ZNF354B: variants seen among roughly 807,000 people sequenced by gnomAD.
ZNF354B encodes the protein zinc finger protein 354B.
Under a neutral mutation model 12.9 loss-of-function variants are expected in ZNF354B, and 10 were observed. The ratio of observed to expected loss-of-function variants is 0.77; its 90% CI spans 0.48 to 1.31. The LOEUF (loss-of-function observed/expected upper bound fraction) is 1.31. Ranked by LOEUF, ZNF354B falls within the 40% of genes most tolerant of loss-of-function variation. The pLI is 0.00. For missense variants in ZNF354B, 614 were observed against 711.7 expected (o/e 0.86, Z 1.56); for synonymous variants, 260 against 243.7 (o/e 1.07, Z -0.62).
intron 4 of ZNF354B, 72 bp downstream of exon 4, chr5:178,867,143 A>T: frequency 1.4e-6 from 2 of 1,406,620 alleles, no homozygotes; most frequent in Non-Finnish European, 2.0e-6. Flanking sequence ...AGGTAGGAAC[A>T]TTGGTTGGGA....
At chr5:178,867,856 AT>A (rs1348716284) in intron 4 of ZNF354B, among the ~76,000 whole-genome samples, 1 of 152,206 alleles carries the variant, frequency 6.6e-6, no homozygotes, top group Admixed American at 6.5e-5. Flanking sequence ...TACATGTAAC[AT>A]TTTAATTTTT....
chr5:178,875,347 A>G (rs1261741164), intron 4 of ZNF354B, among the ~76,000 whole-genome samples: 1 of 152,168 alleles, frequency 6.6e-6, no homozygotes, highest in Non-Finnish European at 1.5e-5. Flanking sequence ...ACCACTGTCA[A>G]TCAGTGCAGT....
rs531026200 is a variant in ZNF354B, at chr5:178,883,609, A to G, written c.1157A>G (p.Glu386Gly). The change falls in exon 5 of 5, where the codon GAA becomes GGA. Residue 386 changes from glutamate to glycine, a missense_variant. Physicochemically the swap from Glu to Gly is moderately conservative, Grantham distance 98. Coordinates refer to ENST00000322434, the MANE Select transcript of ZNF354B (RefSeq NM_058230.3). ...GGAGAGAAGCCTTTTAAATGTAGTG[A>G]ATGTGGGAGAGCCTTCAGCCAGAGT... The part of the protein sequence containing the change: ...HTGEKPFKCS[E>G]CGRAFSQSAS... The G allele has an allele frequency of 6.2e-6, 10 of 1,613,698 alleles. No homozygotes were observed. The African/African-American group carries it at 1.1e-4, about 17-fold the overall frequency.
intron 4 of ZNF354B, among the ~76,000 whole-genome samples, chr5:178,875,936 C>T (rs1216686833): frequency 2.6e-5 from 4 of 152,000 alleles, no homozygotes; most frequent in East Asian, 1.9e-4. Flanking sequence ...AGGGGAGGGA[C>T]GGCTGTTCTG....
intron 3 of ZNF354B, among the ~76,000 whole-genome samples, 172 bp downstream of exon 3, chr5:178,866,542 G>A (rs1202229706): frequency 6.6e-6 from 1 of 152,104 alleles, no homozygotes; most frequent in African/African-American, 2.4e-5. Flanking sequence ...AATAAGTATG[G>A]AATTGCTCTA....
chr5:178,875,320 C>A (rs1014419300), intron 4 of ZNF354B, among the ~76,000 whole-genome samples: 7 of 152,252 alleles, frequency 4.6e-5, no homozygotes, highest in Middle Eastern at 3.4e-3. Context: ...TGGGCCTCTA[C>A]CCTAAAGAGA....
At chr5:178,874,445 C>G (rs183263267) in intron 4 of ZNF354B, among the ~76,000 whole-genome samples, 14 of 152,222 alleles carry the variant, frequency 9.2e-5, no homozygotes, top group African/African-American at 2.9e-4. Flanking sequence ...GGTTTTTATT[C>G]TTTTTCTTTA....
chr5:178,883,409 C>T lies in ZNF354B; in HGVS notation c.957C>T (p.Ile319=), dbSNP rs1423324909. The change falls in exon 5 of 5, where the codon ATC becomes ATT. Residue 319 remains isoleucine, a synonymous_variant. Transcript: ENST00000322434. ...CTGGGCTTTTTATACATCAAAAAAT[C>T]CATGCTCAAGAAAATCCCCATAAAT... The part of the protein sequence containing the change: ...RRSGLFIHQK[I]HAQENPHKYN... The T allele has an allele frequency of 1.2e-6, 2 of 1,614,000 alleles. No individual in the cohort carries two copies. The highest frequency in any genetic ancestry group is 1.7e-5 in the Admixed American group (1 of 60,004).
intron 4 of ZNF354B, among the ~76,000 whole-genome samples, chr5:178,871,989 T>C (rs1296915171): frequency 1.3e-5 from 2 of 152,226 alleles, no homozygotes; most frequent in South Asian, 2.1e-4. Context: ...ATGTCCCTTA[T>C]ACTCATTTCC....
At chr5:178,870,305 T>C (rs1397072464) in intron 4 of ZNF354B, among the ~76,000 whole-genome samples, 3 of 152,232 alleles carry the variant, frequency 2.0e-5, no homozygotes, top group East Asian at 1.9e-4. Flanking sequence ...AGATGGACTC[T>C]TGCTCTGTTG....
Position 178,883,386 on chromosome 5 carries a change from G to T in ZNF354B, c.934G>T (p.Gly312Trp). ...TGGTAAATCCTTCAGTCGAAGGTCT[G>T]GGCTTTTTATACATCAAAAAATCCA... ...ECGKSFSRRS[G>W]LFIHQKIHAQ... The change falls in exon 5 of 5, where the codon GGG (glycine) becomes TGG (tryptophan). Residue 312 changes from glycine (G) to tryptophan (W), a missense_variant. Coordinates refer to ENST00000322434, the MANE Select transcript of ZNF354B (RefSeq NM_058230.3). 1.2e-6 allele frequency: 2 copies of T among 1,614,068 alleles called. No individual in the cohort carries two copies. Among genetic ancestry groups the T allele is most frequent in the Non-Finnish European group, 1.7e-6 (2 of 1,179,980 alleles).
chr5:178,872,820 T>A (rs536140289), intron 4 of ZNF354B, among the ~76,000 whole-genome samples: 2 of 152,204 alleles, frequency 1.3e-5, no homozygotes. Flanking sequence ...AGAGTCTTGC[T>A]CTGTCACCCA....
chr5:178,861,673 AC>A (rs1757351253), intron 2 of ZNF354B, among the ~76,000 whole-genome samples: 1 of 143,442 alleles, frequency 7.0e-6, no homozygotes, highest in African/African-American at 2.5e-5. Flanking sequence ...GACACAGAAG[AC>A]CCCTCAGCTA....
intron 3 of ZNF354B, among the ~76,000 whole-genome samples, chr5:178,866,655 C>G (rs1358145659): frequency 2.0e-5 from 3 of 152,102 alleles, no homozygotes; most frequent in Admixed American, 2.0e-4. Flanking sequence ...TTTGGTTGTT[C>G]TGTGGTTTGT....
intron 2 of ZNF354B, among the ~76,000 whole-genome samples, chr5:178,866,001 T>C (rs1024532930): frequency 1.3e-5 from 2 of 152,190 alleles, no homozygotes; most frequent in African/African-American, 4.8e-5. Context: ...TAATTAAGGG[T>C]CCCACTAATG....
chr5:178,865,430 G>T (rs1158044861), intron 2 of ZNF354B, among the ~76,000 whole-genome samples: 2 of 152,026 alleles, frequency 1.3e-5, no homozygotes, highest in African/African-American at 2.4e-5. Context: ...ACCATGCCTG[G>T]TTAATTTTTG....
At chr5:178,865,240 CCACT>C (rs1757429008) in intron 2 of ZNF354B, among the ~76,000 whole-genome samples, 3 of 151,972 alleles carry the variant, frequency 2.0e-5, no homozygotes, top group African/African-American at 7.3e-5. Flanking sequence ...CCCCGCTCTA[CCACT>C]GAACAGCTGT....
chr5:178,862,936 A>T (rs1398416796), intron 2 of ZNF354B, among the ~76,000 whole-genome samples: 1 of 152,180 alleles, frequency 6.6e-6, no homozygotes, highest in Non-Finnish European at 1.5e-5. Flanking sequence ...AAGACCAGAG[A>T]GTGCAGAGTT....
chr5:178,878,189 C>G (rs1757665369), intron 4 of ZNF354B, among the ~76,000 whole-genome samples: 1 of 152,046 alleles, frequency 6.6e-6, no homozygotes, highest in Non-Finnish European at 1.5e-5. Context: ...CGAGACCATC[C>G]TGGCTAACAT....
Sources: gnomAD v4.1 joint callset for allele counts (sites outside exome capture counted in the v4.1 genomes callset) on GRCh38, gnomAD v4.1.1 for gene constraint, MANE v1.5 for transcripts, NCBI Gene and HGNC (gene_info 2026-07-23, HGNC 2026-07-21) for gene names.